The following SCN11A variants were observed in gnomAD, a reference collection of about 807,000 sequenced individuals.
SCN11A encodes sodium channel protein type 11 subunit alpha.
In SCN11A, 122 loss-of-function variants were observed where a neutral mutation model predicts 162.2. That is an observed-to-expected ratio of 0.75 (90% confidence interval 0.65 to 0.87). The LOEUF is 0.87. Ranked by LOEUF, SCN11A falls within the 40% of genes least tolerant of loss-of-function variation. SCN11A has a pLI of 0.00. For missense variants in SCN11A, 2,015 were observed against 2,181.6 expected (o/e 0.92, Z 1.52); for synonymous variants, 758 against 751.5 (o/e 1.01, Z -0.14).
At chr3:38,964,822 C>T (rs917944579) in intron 2 of SCN11A, among the ~76,000 whole-genome samples, 10 of 152,188 alleles carry the variant, frequency 6.6e-5, no homozygotes, top group African/African-American at 2.4e-4. Flanking sequence ...GAGTTCAAAC[C>T]TAAATTTGTA....
At chr3:39,033,427 G>C (rs932165501) in intron 1 of SCN11A, among the ~76,000 whole-genome samples, 2 of 151,930 alleles carry the variant, frequency 1.3e-5, no homozygotes, top group Non-Finnish European at 1.5e-5. Context: ...ACAAAGATTC[G>C]AGACTCAAAG....
At chr3:38,925,332 CATG>C in intron 9 of SCN11A, 80 bp downstream of exon 9, 6 of 912,524 alleles carry the variant, frequency 6.6e-6, no homozygotes, top group Non-Finnish European at 1.0e-5. Flanking sequence ...TTTTGGTTTA[CATG>C]ATGACATTTT....
At chr3:38,932,189 T>C (rs2125559643) in intron 7 of SCN11A, among the ~76,000 whole-genome samples, 1 of 152,370 alleles carries the variant, frequency 6.6e-6, no homozygotes, top group East Asian at 1.9e-4. Context: ...GCATTGTCCC[T>C]ATAAATATTT....
chr3:38,890,480 T>C (rs1190646105), intron 19 of SCN11A, among the ~76,000 whole-genome samples: 2 of 152,166 alleles, frequency 1.3e-5, no homozygotes, highest in African/African-American at 2.4e-5. Flanking sequence ...AACTAAAACA[T>C]AGGTCAGCAA....
chr3:38,969,079 G>C (rs941292217), intron 2 of SCN11A, among the ~76,000 whole-genome samples: 2 of 152,174 alleles, frequency 1.3e-5, no homozygotes, highest in Non-Finnish European at 2.9e-5. Flanking sequence ...ACTTATTTGT[G>C]CAGGAGGGTG....
At chr3:38,922,520 T>C (rs1163336554) in intron 9 of SCN11A, among the ~76,000 whole-genome samples, 1 of 152,220 alleles carries the variant, frequency 6.6e-6, no homozygotes, top group Admixed American at 6.5e-5. Context: ...ATAGAGACTA[T>C]ATTCACCTGT....
chr3:39,028,641 CATG>C (rs767017785), intron 2 of SCN11A, among the ~76,000 whole-genome samples: 2 of 152,170 alleles, frequency 1.3e-5, no homozygotes, highest in Non-Finnish European at 2.9e-5. Flanking sequence ...AGTGCAAGGG[CATG>C]ATGACAGCTT....
chr3:38,881,341 C>G (rs2065305787), intron 22 of SCN11A, among the ~76,000 whole-genome samples: 2 of 152,278 alleles, frequency 1.3e-5, no homozygotes, highest in South Asian at 4.1e-4. Context: ...CTTCAGGCTC[C>G]TGGAGGTCAG....
At chr3:38,991,018 T>G (rs2030436342) in intron 2 of SCN11A, among the ~76,000 whole-genome samples, 1 of 152,016 alleles carries the variant, frequency 6.6e-6, no homozygotes, top group Admixed American at 6.6e-5. Context: ...GGGGAAAAAA[T>G]AATCATGTAT....
chr3:39,034,497 T>A (rs1302121653), intron 1 of SCN11A, among the ~76,000 whole-genome samples: 1 of 152,176 alleles, frequency 6.6e-6, no homozygotes, highest in Non-Finnish European at 1.5e-5. Flanking sequence ...TATGTCAGTA[T>A]CAGACTAAAT....
chr3:39,009,819 G>GGT (rs1437894806), intron 2 of SCN11A, among the ~76,000 whole-genome samples: 2 of 149,144 alleles, frequency 1.3e-5, no homozygotes, highest in Non-Finnish European at 3.0e-5. Context: ...TGGGACTACA[G>GGT]GTGTGCATCA....
At chr3:39,020,190 T>C (rs1524872) in intron 2 of SCN11A, among the ~76,000 whole-genome samples, 4,400 of 152,334 alleles carry the variant, frequency 0.029, 211 homozygotes, top group African/African-American at 0.1. Context: ...CCTTAGCGCA[T>C]AGTAAGCATT....
chr3:39,033,426 C>G (rs996023136), intron 1 of SCN11A, among the ~76,000 whole-genome samples: 4 of 152,056 alleles, frequency 2.6e-5, no homozygotes, highest in African/African-American at 7.2e-5. Flanking sequence ...AACAAAGATT[C>G]GAGACTCAAA....
chr3:39,007,391 T>TATG (rs1394675625), intron 2 of SCN11A, among the ~76,000 whole-genome samples: 5 of 152,194 alleles, frequency 3.3e-5, no homozygotes, highest in Non-Finnish European at 5.9e-5. Context: ...TAAGAGCCTC[T>TATG]ATGACCCTTG....
intron 2 of SCN11A, among the ~76,000 whole-genome samples, chr3:39,022,985 T>C (rs2031490824): frequency 6.6e-6 from 1 of 152,196 alleles, no homozygotes; most frequent in South Asian, 2.1e-4. Context: ...GTTAAGGAAT[T>C]ACTGTTATTT....
intron 19 of SCN11A, among the ~76,000 whole-genome samples, 158 bp from the exon 20 acceptor site, chr3:38,886,396 CAACAT>C (rs1334709078): frequency 6.6e-5 from 10 of 152,236 alleles, no homozygotes; most frequent in Admixed American, 4.6e-4. Flanking sequence ...TGGAAAAACT[CAACAT>C]AATATAATTC....
intron 27 of SCN11A, 50 bp downstream of exon 27, chr3:38,867,271 T>C: frequency 6.4e-7 from 1 of 1,556,088 alleles, no homozygotes; most frequent in Non-Finnish European, 8.8e-7. Flanking sequence ...TGTTAATGCA[T>C]TTGGAGGACA....
At chr3:38,884,055 T>C (rs1344470093) in intron 21 of SCN11A, among the ~76,000 whole-genome samples, 1 of 152,110 alleles carries the variant, frequency 6.6e-6, no homozygotes, top group African/African-American at 2.4e-5. Flanking sequence ...CCTTTCCACC[T>C]TTTCTCCTCC....
chr3:38,919,566 G>T (rs760942902), intron 11 of SCN11A, among the ~76,000 whole-genome samples: 1 of 152,206 alleles, frequency 6.6e-6, no homozygotes, highest in Non-Finnish European at 1.5e-5. Context: ...GAAGAAGCAT[G>T]CTCAGATACT....
Sources: gnomAD v4.1 joint callset for allele counts (sites outside exome capture counted in the v4.1 genomes callset) on GRCh38, gnomAD v4.1.1 for gene constraint, MANE v1.5 for transcripts, NCBI Gene and HGNC (gene_info 2026-07-23, HGNC 2026-07-21) for gene names.